HNF1A: variants seen among roughly 807,000 people sequenced by gnomAD.
HNF1A encodes the protein HNF1 homeobox A.
HNF1A carries 21 observed loss-of-function variants against 62.2 expected under a neutral mutation model. The observed-to-expected ratio is 0.34, with a 90% CI of 0.24 to 0.49. HNF1A has a LOEUF of 0.49. Ranked by LOEUF, HNF1A falls within the 20% of genes least tolerant of loss-of-function variation. The probability of loss-of-function intolerance (pLI) is 0.99; values close to 1 mark genes in which losing one functional copy is unlikely to be tolerated. For synonymous variants in HNF1A, 374 were observed against 366.8 expected (o/e 1.02, Z -0.22); for missense variants, 687 against 832.3 (o/e 0.83, Z 2.15).
chr12:120,995,836 A>G (rs1877070978), intron 4 of HNF1A, among the ~76,000 whole-genome samples: 1 of 151,016 alleles, frequency 6.6e-6, no homozygotes, highest in African/African-American at 2.4e-5. Context: ...ACTCAATTCC[A>G]TCTACTCTAC....
intron 2 of HNF1A, among the ~76,000 whole-genome samples, chr12:120,990,884 T>G (rs987120301): frequency 1.3e-5 from 2 of 152,162 alleles, no homozygotes; most frequent in African/African-American, 2.4e-5. Flanking sequence ...GCAATAGATA[T>G]GTTATTTTCT....
At position 120,999,240 on chromosome 12, in the gene HNF1A, C is replaced by T. The variant is rs745390760; in HGVS notation, c.1502-28C>T. ...CTAGGGCTGTCAGGCACGTCTGCCA[C>T]GTCTGCCCCTCTCTCCCCTGCGGCC... On this transcript the variant is annotated intron_variant, in intron 7 of 9. Transcript: ENST00000257555. The T allele has an allele frequency of 2.9e-5, 46 of 1,613,524 alleles. No homozygotes were observed. In the Middle Eastern group the frequency reaches 4.9e-4, roughly 17 times the overall value.
intron 1 of HNF1A, among the ~76,000 whole-genome samples, chr12:120,987,814 G>A (rs1045019184): frequency 7.3e-5 from 11 of 150,020 alleles, no homozygotes; most frequent in African/African-American, 2.0e-4. Context: ...ATCTATCTAC[G>A]TGTTTGCACC....
chr12:120,983,092 C>T (rs954486671), intron 1 of HNF1A, among the ~76,000 whole-genome samples: 1 of 152,202 alleles, frequency 6.6e-6, no homozygotes, highest in Non-Finnish European at 1.5e-5. Context: ...ATACCACAAC[C>T]TTGCATGCCC....
In HNF1A at chr12:120,999,498, A is replaced by G. The variant is rs772035802; in HGVS notation, c.1639A>G (p.Thr547Ala). 1 of 1,613,656 alleles carries G rather than the reference A, an allele frequency of 6.2e-7. No individual in the cohort carries two copies. The highest frequency in any genetic ancestry group is 8.5e-7 in the Non-Finnish European group (1 of 1,179,926). ...TPTKQVFTSD[T>A]EASSESGLHT... ...GCTCCCCCAGGTCTTCACCTCAGAC[A>G]CTGAGGCCTCCAGTGAGTCCGGGCT... Residue 547 changes from threonine to alanine, a missense_variant, in exon 9 of 10, where the codon ACT becomes GCT. By Grantham distance (58) the Thr-to-Ala change is moderately conservative. Around this residue, in one of 5 missense-constraint regions of HNF1A, gnomAD observed 408 missense variants for 455.3 expected, o/e 0.90. Transcript: ENST00000257555.
intron 1 of HNF1A, among the ~76,000 whole-genome samples, chr12:120,984,024 A>G (rs1342875180): frequency 2.0e-5 from 3 of 151,816 alleles, no homozygotes; most frequent in African/African-American, 7.3e-5. Flanking sequence ...AGAGAGAGAC[A>G]TCGATTCAGT....
rs2135841131 is a variant in HNF1A at position 120,994,174 on chromosome 12, A to G, written c.724A>G (p.Ile242Val). The G allele has an allele frequency of 1.9e-6, 3 of 1,613,292 alleles. No homozygotes were observed. The highest frequency in any genetic ancestry group is 2.5e-6 in the Non-Finnish European group (3 of 1,179,740). ...LVEECNRAEC[I>V]QRGVSPSQAQ... ...TGGCTATTTCTGCAGGGCGGAATGC[A>G]TCCAGAGAGGGGTGTCCCCATCACA... is the stretch of plus-strand genomic sequence containing the variant. The change falls in exon 4 of 10, where the codon ATC becomes GTC. Residue 242 changes from isoleucine to valine, a missense_variant. Around this residue, in one of 5 missense-constraint regions of HNF1A, gnomAD observed 47 missense variants for 109.4 expected, o/e 0.43. Coordinates refer to ENST00000257555, the MANE Select transcript of HNF1A (RefSeq NM_000545.8).
intron 4 of HNF1A, among the ~76,000 whole-genome samples, chr12:120,995,769 C>T (rs1348445234): frequency 6.6e-6 from 1 of 152,052 alleles, no homozygotes; most frequent in Admixed American, 6.6e-5. Flanking sequence ...CACCCGTCCT[C>T]TCCACCCTTT....
At chr12:120,989,269 T>C (rs1876689984) in intron 2 of HNF1A, among the ~76,000 whole-genome samples, 1 of 151,994 alleles carries the variant, frequency 6.6e-6, no homozygotes, top group Non-Finnish European at 1.5e-5. Flanking sequence ...TTTCTTTTTC[T>C]TTTTTTAGAT....
chr12:120,986,646 C>A (rs1019969098), intron 1 of HNF1A, among the ~76,000 whole-genome samples: 1 of 152,256 alleles, frequency 6.6e-6, no homozygotes, highest in Non-Finnish European at 1.5e-5. Flanking sequence ...GTGGCGCGAT[C>A]TCGGCTCACT....
Position 120,996,314 on chromosome 12 carries a change from C to A in HNF1A, c.1008C>A (p.Ser336Arg), listed in dbSNP as rs760081000. 2.5e-6 allele frequency: 4 copies of A among 1,614,230 alleles called. No individual in the cohort carries two copies. The East Asian group carries it at 8.9e-5, about 36-fold the overall frequency. ...ATSETAEVPSSSGGPLVTVST... is the reference protein window; with the variant it reads ...ATSETAEVPSRSGGPLVTVST... ...GTGAGACTGCAGAAGTACCCTCAAGCAGCGGCGGTCCCTTAGTGACAGTGT... is the reference window on the plus strand; with the variant it reads ...GTGAGACTGCAGAAGTACCCTCAAGAAGCGGCGGTCCCTTAGTGACAGTGT... Residue 336 changes from serine to arginine, a missense_variant, in exon 5 of 10, where the codon AGC becomes AGA. Around this residue, in one of 5 missense-constraint regions of HNF1A, gnomAD observed 408 missense variants for 455.3 expected, o/e 0.90. Transcript: ENST00000257555. The surrounding 1 kb of genome is among the most constrained non-coding windows in gnomAD (Gnocchi z 4.5).
At chr12:120,997,407 G>T (rs572046840) in intron 6 of HNF1A, 67 bp from the exon 7 acceptor site, 28 of 1,496,796 alleles carry the variant, frequency 1.9e-5, no homozygotes, top group Non-Finnish European at 2.5e-5. Flanking sequence ...TGGTGCCCTT[G>T]GGAGGTCTTG....
chr12:120,980,615 G>A (rs539546282), intron 1 of HNF1A: 1 of 152,304 alleles, frequency 6.6e-6, no homozygotes, highest in Admixed American at 6.5e-5. Context: ...GCTTTGGGGT[G>A]AGGGTGGGGG....
intron 8 of HNF1A, 40 bp from the exon 9 acceptor site, chr12:120,999,443 C>T: frequency 6.2e-7 from 1 of 1,613,864 alleles, no homozygotes; most frequent in Non-Finnish European, 8.5e-7. Context: ...CCCCTCACCC[C>T]CACATCCCCC....
chr12:120,997,648 A>T lies in HNF1A; in HGVS notation c.1484A>T (p.Gln495Leu), dbSNP rs2135848162. Residue 495 changes from glutamine to leucine, a missense_variant, in exon 7 of 10, where the codon CAG (glutamine) becomes CTG (leucine). Physicochemically the swap from Gln to Leu is moderately radical, Grantham distance 113. Coordinates refer to ENST00000257555, the MANE Select transcript of HNF1A (RefSeq NM_000545.8). ...TQSPFMATMA[Q>L]LQSPHALYSH... is the part of the protein sequence containing the mutation. Reference sequence around the variant, plus strand: ...AGCCCCTTCATGGCCACCATGGCTCAGCTGCAGAGCCCCCACGGTGAGCGC... The same window carrying T: ...AGCCCCTTCATGGCCACCATGGCTCTGCTGCAGAGCCCCCACGGTGAGCGC... 6.2e-7 allele frequency: 1 copy of T among 1,612,142 alleles called. No individual in the cohort carries two copies. Among genetic ancestry groups the T allele is most frequent in the Non-Finnish European group, 8.5e-7 (1 of 1,179,260 alleles).
chr12:120,987,729 T>C (rs1281204388), intron 1 of HNF1A, among the ~76,000 whole-genome samples: 1 of 151,810 alleles, frequency 6.6e-6, no homozygotes, highest in Non-Finnish European at 1.5e-5. Flanking sequence ...GATTCAGTTC[T>C]AAGACAGCCT....
At chr12:120,997,804 C>A in intron 7 of HNF1A, 139 bp downstream of exon 7, 1 of 917,400 alleles carries the variant, frequency 1.1e-6, no homozygotes, top group Non-Finnish European at 1.8e-6. Context: ...TTGAGGGTGT[C>A]TGCAGGCCAG....
At position 120,997,499 on chromosome 12, in the gene HNF1A, T is replaced by C. The variant is rs1877170209; in HGVS notation, c.1335T>C (p.Ser445=). Residue 445 remains serine, a synonymous_variant, in exon 7 of 10, where the codon AGT becomes AGC. Coordinates refer to ENST00000257555, the MANE Select transcript of HNF1A (RefSeq NM_000545.8). ...VIGLASTQAQ[S]VPVINSMGSS... is the part of the protein sequence containing the mutation. The stretch of plus-strand genomic sequence containing the variant: ...GCCTGGCCTCCACGCAGGCACAGAG[T>C]GTGCCGGTCATCAACAGCATGGGCA... 2 of 1,611,114 alleles carry C rather than the reference T, an allele frequency of 1.2e-6. No individual in the cohort carries two copies. The highest frequency in any genetic ancestry group is 8.5e-7 in the Non-Finnish European group (1 of 1,179,286).
chr12:120,990,756 TA>T (rs760441010), intron 2 of HNF1A, among the ~76,000 whole-genome samples: 5 of 150,660 alleles, frequency 3.3e-5, no homozygotes, highest in African/African-American at 9.7e-5. Flanking sequence ...CACATTTGGT[TA>T]AAAAAAAAGA....
Sources: gnomAD v4.1 joint callset for allele counts (sites outside exome capture counted in the v4.1 genomes callset) on GRCh38, gnomAD v4.1.1 for gene constraint, gnomAD v4.1.1 regional missense constraint, Gnocchi (gnomAD v3.1) non-coding constraint, MANE v1.5 for transcripts, NCBI Gene and HGNC (gene_info 2026-07-23, HGNC 2026-07-21) for gene names.